The following TSPAN2 variants were observed in gnomAD, a reference collection of about 807,000 sequenced individuals.
The protein encoded by TSPAN2 is tetraspanin 2.
Under a neutral mutation model 33.3 loss-of-function variants are expected in TSPAN2, and 24 were observed. The observed-to-expected ratio is 0.72, with a 90% CI of 0.52 to 1.01. The LOEUF (loss-of-function observed/expected upper bound fraction) is 1.01. Among genes scored for constraint, TSPAN2 ranks in the 50% least tolerant of loss-of-function variants. The pLI is 0.00. For synonymous variants in TSPAN2, 114 were observed against 104.5 expected (o/e 1.09, Z -0.56); for missense variants, 278 against 281.3 (o/e 0.99, Z 0.08).
At chr1:115,051,817 G>C (rs1343803408) in intron 7 of TSPAN2, among the ~76,000 whole-genome samples, 4 of 152,182 alleles carry the variant, frequency 2.6e-5, no homozygotes, top group Non-Finnish European at 5.9e-5. Flanking sequence ...GTGTAGCACG[G>C]GCGACACCCA....
Position 115,053,423 on chromosome 1 carries a change from G to C in TSPAN2, c.556C>G (p.Leu186Val), listed in dbSNP as rs1296331430. 6.2e-7 allele frequency: 1 copy of C among 1,613,968 alleles called. No homozygotes were observed. Among genetic ancestry groups the C allele is most frequent in the Non-Finnish European group, 8.5e-7 (1 of 1,179,902 alleles). ...ATACCGACAATTCCAATGAGCTGGA[G>C]CTTAACACTGATTATGGTCTCAATT... Reference protein sequence around the residue: ...DEIETIISVKLQLIGIVGIGI... With the variant: ...DEIETIISVKVQLIGIVGIGI... Residue 186 changes from leucine to valine, a missense_variant, in exon 7 of 8, where the codon CTC becomes GTC. Transcript: ENST00000369516.
In TSPAN2 at chr1:115,050,394, C is replaced by T. The variant is rs535267715; in HGVS notation, c.*96G>A. On this transcript the variant is annotated 3_prime_UTR_variant, in exon 8 of 8. Coordinates refer to ENST00000369516, the MANE Select transcript of TSPAN2 (RefSeq NM_005725.6). Reference sequence around the variant, plus strand: ...CAATTGACAGCAAATTATTTTAGATCCTAATGTCATTTCAGTGTTAAAAAT... The same window carrying T: ...CAATTGACAGCAAATTATTTTAGATTCTAATGTCATTTCAGTGTTAAAAAT... 2.7e-6 allele frequency: 3 copies of T among 1,097,796 alleles called. No homozygotes were observed. Among genetic ancestry groups the T allele is most frequent in the Middle Eastern group, 2.0e-4 (1 of 5,006 alleles). 68.0% of individuals were successfully genotyped at this position (1,097,796 alleles called of 1,614,324 possible).
At chr1:115,066,511 A>G (rs1184761217) in intron 2 of TSPAN2, among the ~76,000 whole-genome samples, 1 of 152,180 alleles carries the variant, frequency 6.6e-6, no homozygotes, top group Non-Finnish European at 1.5e-5. Flanking sequence ...TCTTCTTTTA[A>G]GCTAGAAACA....
At chr1:115,051,030 C>G (rs1020562542) in intron 7 of TSPAN2, among the ~76,000 whole-genome samples, 9 of 152,188 alleles carry the variant, frequency 5.9e-5, no homozygotes, top group Non-Finnish European at 8.8e-5. Context: ...GGAGTATCAG[C>G]TGGGTGCAGT....
chr1:115,061,509 A>C (rs376567752), intron 3 of TSPAN2, among the ~76,000 whole-genome samples: 2 of 152,258 alleles, frequency 1.3e-5, no homozygotes, highest in East Asian at 3.9e-4. Context: ...GGCTATAGAA[A>C]CCTTTTAGCT....
intron 1 of TSPAN2, among the ~76,000 whole-genome samples, chr1:115,078,258 C>A (rs1294199991): frequency 6.6e-6 from 1 of 152,160 alleles, no homozygotes; most frequent in Non-Finnish European, 1.5e-5. Flanking sequence ...CTTAAATATG[C>A]CCATATTTTG....
intron 2 of TSPAN2, among the ~76,000 whole-genome samples, chr1:115,065,802 C>T (rs2335725): frequency 0.26 from 39,683 of 152,088 alleles, 5,548 homozygotes; most frequent in African/African-American, 0.3. Context: ...AAAATTATTG[C>T]TAAATATAAT....
chr1:115,083,363 C>A (rs1648703113), intron 1 of TSPAN2, among the ~76,000 whole-genome samples: 1 of 152,144 alleles, frequency 6.6e-6, no homozygotes, highest in Non-Finnish European at 1.5e-5. Context: ...CCCGGTAATT[C>A]CAGAAAGCAT....
intron 1 of TSPAN2, among the ~76,000 whole-genome samples, chr1:115,088,104 A>C (rs1648915257): frequency 6.6e-6 from 1 of 152,168 alleles, no homozygotes; most frequent in Non-Finnish European, 1.5e-5. Context: ...CACGTGTACA[A>C]AGGCCATGTG....
intron 2 of TSPAN2, among the ~76,000 whole-genome samples, chr1:115,069,070 C>A (rs1648058842): frequency 6.6e-6 from 1 of 152,194 alleles, no homozygotes; most frequent in Admixed American, 6.5e-5. Context: ...CTTCTCTGAA[C>A]TTTGAGCATG....
At chr1:115,077,982 C>A (rs951746148) in intron 1 of TSPAN2, among the ~76,000 whole-genome samples, 1 of 152,184 alleles carries the variant, frequency 6.6e-6, no homozygotes, top group Non-Finnish European at 1.5e-5. Flanking sequence ...GCAAAAAAGC[C>A]CCCTTTGGGG....
At chr1:115,073,273 A>G (rs1221285590) in intron 1 of TSPAN2, among the ~76,000 whole-genome samples, 1 of 152,176 alleles carries the variant, frequency 6.6e-6, no homozygotes, top group East Asian at 1.9e-4. Context: ...CCCTGTGGTT[A>G]TGGGGCACAC....
chr1:115,088,998 G>A (rs1648950011), intron 1 of TSPAN2, among the ~76,000 whole-genome samples: 2 of 107,248 alleles, frequency 1.9e-5, no homozygotes, highest in Non-Finnish European at 3.8e-5. Flanking sequence ...GGGGGTGTGT[G>A]CACGGGAGAC....
chr1:115,058,955 A>G lies in TSPAN2; in HGVS notation c.372T>C (p.Tyr124=). Residue 124 remains tyrosine (Y), a synonymous_variant, in exon 5 of 8, where the codon TAT becomes TAC. Transcript: ENST00000369516. Reference sequence around the variant, plus strand: ...TAAGGTAATCATTGTAAGCCTCTTCATACATGGTCTGAACATGTCGGATAG... The same window carrying G: ...TAAGGTAATCATTGTAAGCCTCTTCGTACATGGTCTGAACATGTCGGATAG... ...GVAIRHVQTM[Y]EEAYNDYLKD... 6.2e-7 allele frequency: 1 copy of G among 1,614,112 alleles called. No individual in the cohort carries two copies. The highest frequency in any genetic ancestry group is 1.1e-5 in the South Asian group (1 of 91,080).
chr1:115,058,565 T>C (rs1176636736), intron 5 of TSPAN2: 1 of 359,894 alleles, frequency 2.8e-6, no homozygotes, highest in Non-Finnish European at 5.0e-6. Flanking sequence ...TACACCACAA[T>C]GCTACCCTCT....
chr1:115,050,046 C>G lies in TSPAN2; in HGVS notation c.*444G>C, dbSNP rs542671559. 3 of 226,746 alleles carry G rather than the reference C, an allele frequency of 1.3e-5. No individual in the cohort carries two copies. Among genetic ancestry groups the G allele is most frequent in the Non-Finnish European group, 2.6e-5 (3 of 114,468 alleles). The allele number at this position is 226,746 out of a possible 1,614,324, so 14.0% of individuals were successfully genotyped here. ...TCTCAATTCTTACAGCTTATTACTTCCATTAAGAAGAAATCTCTGAATTCT... is the reference window on the plus strand; with the variant it reads ...TCTCAATTCTTACAGCTTATTACTTGCATTAAGAAGAAATCTCTGAATTCT... On this transcript the variant is annotated 3_prime_UTR_variant, in exon 8 of 8. Transcript: ENST00000369516.
At chr1:115,072,872 T>G in intron 2 of TSPAN2, 33 bp downstream of exon 2, 83 of 1,540,062 alleles carry the variant, frequency 5.4e-5, no homozygotes, top group Middle Eastern at 1.7e-4. Flanking sequence ...CCATCTACTC[T>G]GAGCTGGAGC....
At chr1:115,052,402 C>A (rs1206926950) in intron 7 of TSPAN2, among the ~76,000 whole-genome samples, 1 of 152,142 alleles carries the variant, frequency 6.6e-6, no homozygotes, top group Admixed American at 6.5e-5. Context: ...CTATTATCAT[C>A]CAACCCCTGG....
chr1:115,069,865 G>C (rs1406264201), intron 2 of TSPAN2, among the ~76,000 whole-genome samples: 9 of 152,090 alleles, frequency 5.9e-5, no homozygotes, highest in Admixed American at 1.3e-4. Context: ...CTCAACACAG[G>C]AATCTCCTGA....
Sources: allele counts gnomAD v4.1 joint callset (sites outside exome capture counted in the v4.1 genomes callset), GRCh38; gene constraint gnomAD v4.1.1; transcripts MANE v1.5; gene names NCBI Gene and HGNC (gene_info 2026-07-23, HGNC 2026-07-21).